The following PRICKLE1 variants were observed in gnomAD, a reference collection of about 807,000 sequenced individuals.
PRICKLE1 encodes prickle-like protein 1.
In PRICKLE1, 14 loss-of-function variants were observed where a neutral mutation model predicts 70.2. The observed-to-expected ratio is 0.20, with a 90% confidence interval of 0.13 to 0.31. PRICKLE1 has a LOEUF of 0.31. Ranked by LOEUF, PRICKLE1 falls within the 10% of genes least tolerant of loss-of-function variation. The pLI is 1.00. For missense variants in PRICKLE1, 821 were observed against 1,026.2 expected, an observed-to-expected ratio of 0.80 and a Z score of 2.73; for synonymous variants, 357 against 379.9, an observed-to-expected ratio of 0.94 and a Z score of 0.70.
intron 1 of PRICKLE1, chr12:42,584,257 A>G (rs1451341023): frequency 1.3e-5 from 2 of 152,150 alleles, no homozygotes; most frequent in African/African-American, 4.8e-5. Context: ...GAATCTGGGA[A>G]AAAAAAGTGT....
intron 1 of PRICKLE1, among the ~76,000 whole-genome samples, chr12:42,563,195 T>A (rs1020582020): frequency 4.2e-4 from 62 of 148,850 alleles, no homozygotes; most frequent in Admixed American, 7.3e-4. Flanking sequence ...AAAAAAAAAA[T>A]TTTTTTTGAA....
At chr12:42,519,994 G>A (rs1394214995) in intron 1 of PRICKLE1, among the ~76,000 whole-genome samples, 1 of 152,110 alleles carries the variant, frequency 6.6e-6, no homozygotes, top group East Asian at 1.9e-4. Context: ...TTTAACGGTA[G>A]CCCAGGATGG....
chr12:42,483,402 G>A (rs1207081062), intron 1 of PRICKLE1: 2 of 151,874 alleles, frequency 1.3e-5, no homozygotes, highest in Non-Finnish European at 2.9e-5. Flanking sequence ...GGCCGAGCGC[G>A]GCCTGCAGCC....
chr12:42,544,162 AAGGGTC>A (rs1940167405), intron 1 of PRICKLE1, among the ~76,000 whole-genome samples: 1 of 152,220 alleles, frequency 6.6e-6, no homozygotes, highest in Non-Finnish European at 1.5e-5. Flanking sequence ...TGTGTTGTTC[AAGGGTC>A]AACATTGCTG....
rs1566076664 is a variant in PRICKLE1, at chr12:42,460,477, C to G, written c.1828G>C (p.Glu610Gln). ...SELCPEKILPEEKPVHLPVLR... is the reference protein window; with the variant it reads ...SELCPEKILPQEKPVHLPVLR... The stretch of plus-strand genomic sequence containing the variant: ...ACTGGCAGATGTACTGGCTTCTCTT[C>G]AGGCAGGATTTTCTCTGGACACAAC... Residue 610 changes from glutamate to glutamine, a missense_variant, in exon 8 of 8, where the codon GAA (glutamate) becomes CAA (glutamine). Transcript: ENST00000345127. 2 of 1,613,744 alleles carry G rather than the reference C, an allele frequency of 1.2e-6. No individual in the cohort carries two copies. Among genetic ancestry groups the G allele is most frequent in the Non-Finnish European group, 1.7e-6 (2 of 1,179,680 alleles).
intron 1 of PRICKLE1, among the ~76,000 whole-genome samples, chr12:42,505,753 T>C (rs1193683981): frequency 6.6e-6 from 1 of 152,136 alleles, no homozygotes; most frequent in Non-Finnish European, 1.5e-5. Flanking sequence ...CATTTGTTAG[T>C]TGTGCTCCAA....
chr12:42,473,688 A>G (rs1938410815), intron 1 of PRICKLE1, among the ~76,000 whole-genome samples: 1 of 152,100 alleles, frequency 6.6e-6, no homozygotes, highest in Admixed American at 6.5e-5. Flanking sequence ...GATTTTAGAG[A>G]AAACAAGATT....
intron 1 of PRICKLE1, among the ~76,000 whole-genome samples, chr12:42,477,287 A>C (rs980121518): frequency 1.3e-5 from 2 of 151,610 alleles, no homozygotes; most frequent in Non-Finnish European, 2.9e-5. Flanking sequence ...CAGGAGAATC[A>C]CTTGAAGCCA....
intron 1 of PRICKLE1, among the ~76,000 whole-genome samples, chr12:42,560,766 T>TCACA (rs200503445): frequency 1.7e-5 from 2 of 119,238 alleles, no homozygotes; most frequent in African/African-American, 5.3e-5. Flanking sequence ...AAGCCCATCT[T>TCACA]CTCACACACA....
At chr12:42,502,360 T>G (rs909739229) in intron 1 of PRICKLE1, among the ~76,000 whole-genome samples, 2 of 151,658 alleles carry the variant, frequency 1.3e-5, no homozygotes, top group Non-Finnish European at 2.9e-5. Flanking sequence ...CAAGTTGGAG[T>G]GCAGTGGCAC....
Position 42,466,340 on chromosome 12 carries a change from T to C in PRICKLE1, c.629A>G (p.His210Arg). ...ADECTEAEGR[H>R]WHMKHFCCLE... ...GCAGCAGAAGTGTTTCATGTGCCAA[T>C]GGCGACCCTCAGCTTCTGTGCACTC... The change falls in exon 6 of 8, where the codon CAT becomes CGT. Residue 210 changes from histidine to arginine, a missense_variant. By Grantham distance (29) the His-to-Arg change is conservative (BLOSUM62 0). Coordinates refer to ENST00000345127, the MANE Select transcript of PRICKLE1 (RefSeq NM_153026.3). 2 of 1,614,230 alleles carry C rather than the reference T, an allele frequency of 1.2e-6. No individual in the cohort carries two copies. The highest frequency in any genetic ancestry group is 1.7e-6 in the Non-Finnish European group (2 of 1,180,042).
chr12:42,560,101 T>TTAA (rs1300746407), intron 1 of PRICKLE1, among the ~76,000 whole-genome samples: 28 of 126,844 alleles, frequency 2.2e-4, no homozygotes, highest in Middle Eastern at 3.6e-3. Flanking sequence ...GAAATCTCCT[T>TTAA]TAATTATTAT....
At chr12:42,519,335 A>G (rs753325526) in intron 1 of PRICKLE1, among the ~76,000 whole-genome samples, 1 of 151,154 alleles carries the variant, frequency 6.6e-6, no homozygotes, top group Non-Finnish European at 1.5e-5. Flanking sequence ...TAGCTGGGAT[A>G]ATAGATGTGT....
At chr12:42,478,401 AG>A (rs1417103101) in intron 1 of PRICKLE1, among the ~76,000 whole-genome samples, 3 of 152,162 alleles carry the variant, frequency 2.0e-5, no homozygotes. Context: ...TGAAGGAGAA[AG>A]AAAAGCAAAA....
intron 1 of PRICKLE1, among the ~76,000 whole-genome samples, chr12:42,519,893 G>A (rs2120464554): frequency 6.6e-6 from 1 of 152,176 alleles, no homozygotes; most frequent in South Asian, 2.1e-4. Flanking sequence ...GCACAGCCCT[G>A]AACTCCTAGC....
intron 1 of PRICKLE1, among the ~76,000 whole-genome samples, chr12:42,544,279 T>C (rs1172935015): frequency 1.3e-5 from 2 of 152,274 alleles, no homozygotes; most frequent in Admixed American, 6.5e-5. Flanking sequence ...GGAAGGTATG[T>C]ATTTTTCTTT....
At chr12:42,523,181 A>C (rs914670066) in intron 1 of PRICKLE1, among the ~76,000 whole-genome samples, 1 of 152,112 alleles carries the variant, frequency 6.6e-6, no homozygotes. Flanking sequence ...GTTAGCCAGG[A>C]TGGTCTCGAA....
chr12:42,511,020 C>T lies in PRICKLE1; in HGVS notation c.-48-38456G>A, dbSNP rs182554435. Among the ~76,000 whole-genome samples the T allele has an allele frequency of 1.6e-4, 24 of 152,336 alleles. No homozygotes were observed. In the East Asian group the frequency reaches 4.4e-3, roughly 28 times the overall value. ...GCATGACAATGGTACAATCACCAGA[C>T]ACTTCAAAAGAAGCAGGCCCAGCAC... is the stretch of plus-strand genomic sequence containing the variant. On this transcript the variant is annotated intron_variant, in intron 1 of 7. Transcript: ENST00000345127.
chr12:42,537,144 C>CTTTT (rs1218062224), intron 1 of PRICKLE1, among the ~76,000 whole-genome samples: 1 of 144,598 alleles, frequency 6.9e-6, no homozygotes, highest in South Asian at 2.2e-4. Context: ...TAAGTAGAGA[C>CTTTT]TTTTTTTTTT....
Sources: gnomAD v4.1 joint callset for allele counts (sites outside exome capture counted in the v4.1 genomes callset) on GRCh38, gnomAD v4.1.1 for gene constraint, MANE v1.5 for transcripts, NCBI Gene and HGNC (gene_info 2026-07-23, HGNC 2026-07-21) for gene names.